The following RNF169 variants were observed in gnomAD, a reference collection of about 807,000 sequenced individuals.
RNF169 encodes ring finger protein 169, also known as E3 ubiquitin-protein ligase RNF169.
Under a neutral mutation model 53.9 loss-of-function variants are expected in RNF169, and 24 were observed. The observed-to-expected ratio is 0.45, with a 90% CI of 0.32 to 0.63. RNF169 has a LOEUF of 0.63. Among genes scored for constraint, RNF169 ranks in the 20% least tolerant of loss-of-function variants. The probability of loss-of-function intolerance (pLI) is 0.04; values close to 1 mark genes in which losing one functional copy is unlikely to be tolerated. For missense variants in RNF169, 883 were observed against 906.2 expected, an observed-to-expected ratio of 0.97 and a Z score of 0.33; for synonymous variants, 396 against 363.5, an observed-to-expected ratio of 1.09 and a Z score of -1.02.
intron 1 of RNF169, among the ~76,000 whole-genome samples, chr11:74,756,155 A>G (rs1218988615): frequency 6.6e-6 from 1 of 152,152 alleles, no homozygotes. Context: ...TCTGTGTGCT[A>G]GGTCTAGGCA....
At chr11:74,825,314 A>T (rs935403039) in intron 4 of RNF169, among the ~76,000 whole-genome samples, 1 of 152,238 alleles carries the variant, frequency 6.6e-6, no homozygotes, top group African/African-American at 2.4e-5. Context: ...AAAATTAACA[A>T]ATATGTGGAA....
chr11:74,773,391 T>C (rs2035286923), intron 1 of RNF169, among the ~76,000 whole-genome samples: 1 of 152,194 alleles, frequency 6.6e-6, no homozygotes, highest in African/African-American at 2.4e-5. Flanking sequence ...AAGCCTCTTA[T>C]ATGTGTTTAT....
chr11:74,802,126 TTGAGA>T (rs2135104694), intron 2 of RNF169, among the ~76,000 whole-genome samples: 1 of 152,282 alleles, frequency 6.6e-6, no homozygotes, highest in South Asian at 2.1e-4. Flanking sequence ...ATTTAACCAG[TTGAGA>T]TAAGAAAATC....
At chr11:74,790,581 T>C (rs1303296087) in intron 2 of RNF169, among the ~76,000 whole-genome samples, 2 of 152,162 alleles carry the variant, frequency 1.3e-5, no homozygotes, top group Non-Finnish European at 2.9e-5. Context: ...TGTGCTCAGC[T>C]CGCACTACCA....
intron 1 of RNF169, among the ~76,000 whole-genome samples, chr11:74,753,711 A>G (rs2135301441): frequency 6.6e-6 from 1 of 152,200 alleles, no homozygotes; most frequent in African/African-American, 2.4e-5. Context: ...TATTTAAGTG[A>G]CGTTCTTAAT....
chr11:74,783,732 A>G (rs1377422287), intron 1 of RNF169, among the ~76,000 whole-genome samples: 1 of 152,022 alleles, frequency 6.6e-6, no homozygotes, highest in Non-Finnish European at 1.5e-5. Flanking sequence ...TATTGCTTTC[A>G]TTTCACCCAC....
intron 1 of RNF169, among the ~76,000 whole-genome samples, chr11:74,786,595 AG>A (rs535577202): frequency 1.7e-3 from 255 of 152,268 alleles, no homozygotes; most frequent in African/African-American, 5.9e-3. Context: ...TGTACCTGCA[AG>A]TAAATTGAAC....
intron 1 of RNF169, among the ~76,000 whole-genome samples, chr11:74,778,781 G>T (rs900555207): frequency 1.3e-5 from 2 of 152,190 alleles, no homozygotes; most frequent in South Asian, 4.1e-4. Context: ...CTGGACAGGG[G>T]CTCAGGTGTT....
At chr11:74,772,666 A>G (rs2035277677) in intron 1 of RNF169, among the ~76,000 whole-genome samples, 1 of 152,136 alleles carries the variant, frequency 6.6e-6, no homozygotes, top group South Asian at 2.1e-4. Context: ...TTGTAAGTGG[A>G]GATAATAATG....
intron 1 of RNF169, among the ~76,000 whole-genome samples, chr11:74,763,704 AT>A: frequency 1.3e-5 from 2 of 152,220 alleles, no homozygotes. Flanking sequence ...AATCAAGAAG[AT>A]CCAACATGTA....
Position 74,803,011 on chromosome 11 carries a change from C to T in RNF169, c.577-7173C>T, listed in dbSNP as rs978482605. Among the ~76,000 whole-genome samples, 41 of 152,066 alleles carry T rather than the reference C, an allele frequency of 2.7e-4. 1 individual carries two copies. Among genetic ancestry groups the T allele is most frequent in the Admixed American group, 1.3e-4 (2 of 15,270 alleles). On this transcript the variant is annotated intron_variant, in intron 2 of 5. Transcript: ENST00000299563. ...TCTCGGCTCACCGCAAGCTCCGCCT[C>T]CCGGGTTCACACCATTCTCCTGCCT...
intron 1 of RNF169, among the ~76,000 whole-genome samples, chr11:74,752,925 A>G (rs1404657747): frequency 6.6e-6 from 1 of 152,198 alleles, no homozygotes; most frequent in African/African-American, 2.4e-5. Flanking sequence ...AGTCACCAGT[A>G]GCTTTCACCA....
chr11:74,802,722 T>A (rs1349143212), intron 2 of RNF169, among the ~76,000 whole-genome samples: 1 of 152,160 alleles, frequency 6.6e-6, no homozygotes, highest in African/African-American at 2.4e-5. Context: ...GACTATAGTC[T>A]CAGCACTAAA....
At chr11:74,810,009 C>T (rs1304205935) in intron 2 of RNF169, among the ~76,000 whole-genome samples, 175 bp from the exon 3 acceptor site, 3 of 152,174 alleles carry the variant, frequency 2.0e-5, no homozygotes, top group Non-Finnish European at 4.4e-5. Context: ...GTATGTTTGG[C>T]AAGAGCCAAG....
At chr11:74,775,361 T>G (rs945927748) in intron 1 of RNF169, among the ~76,000 whole-genome samples, 1 of 152,200 alleles carries the variant, frequency 6.6e-6, no homozygotes, top group African/African-American at 2.4e-5. Flanking sequence ...TTCTTTTTTT[T>G]GTTCTAGTCA....
At chr11:74,803,597 A>G (rs1023214666) in intron 2 of RNF169, among the ~76,000 whole-genome samples, 3 of 152,218 alleles carry the variant, frequency 2.0e-5, no homozygotes, top group African/African-American at 7.2e-5. Context: ...TATAATCAGA[A>G]TTTTCACTTC....
At chr11:74,803,373 C>T (rs769512565) in intron 2 of RNF169, among the ~76,000 whole-genome samples, 10 of 152,160 alleles carry the variant, frequency 6.6e-5, no homozygotes, top group African/African-American at 9.6e-5. Context: ...TATGAGCCAC[C>T]GCGCCCAACC....
At chr11:74,795,374 C>T (rs186364365) in intron 2 of RNF169, among the ~76,000 whole-genome samples, 37 of 151,640 alleles carry the variant, frequency 2.4e-4, no homozygotes, top group African/African-American at 8.2e-4. Context: ...CACATGCCAC[C>T]ATGCCCAGTG....
intron 1 of RNF169, among the ~76,000 whole-genome samples, chr11:74,788,214 A>G (rs2035531716): frequency 6.6e-6 from 1 of 152,184 alleles, no homozygotes; most frequent in Non-Finnish European, 1.5e-5. Context: ...AAGCATCTTT[A>G]TGACCTAATG....
Sources: gnomAD v4.1 joint callset for allele counts (sites outside exome capture counted in the v4.1 genomes callset) on GRCh38, gnomAD v4.1.1 for gene constraint, MANE v1.5 for transcripts, NCBI Gene and HGNC (gene_info 2026-07-23, HGNC 2026-07-21) for gene names.